PRKN: variants seen among roughly 807,000 people sequenced by gnomAD.
PRKN encodes the protein parkin RBR E3 ubiquitin protein ligase.
PRKN carries 56 observed loss-of-function variants against 59.5 expected under a neutral mutation model. The observed-to-expected ratio is 0.94, with a 90% CI of 0.76 to 1.18. PRKN has a LOEUF of 1.18. Ranked by LOEUF, PRKN falls within the 50% of genes most tolerant of loss-of-function variation. PRKN has a pLI of 0.00. For missense variants in PRKN, 657 were observed against 596.4 expected, an observed-to-expected ratio of 1.10 and a Z score of -1.06; for synonymous variants, 250 against 222.1, an observed-to-expected ratio of 1.13 and a Z score of -1.12.
intron 9 of PRKN, among the ~76,000 whole-genome samples, chr6:161,522,779 C>T (rs563770485): frequency 3.9e-5 from 6 of 152,340 alleles, no homozygotes; most frequent in African/African-American, 7.2e-5. Context: ...CTTTCCCTTC[C>T]GTAGTGAACG....
chr6:161,686,397 A>G (rs186850498), intron 7 of PRKN, among the ~76,000 whole-genome samples: 2 of 152,306 alleles, frequency 1.3e-5, no homozygotes, highest in Admixed American at 1.3e-4. Flanking sequence ...CTACTTATCT[A>G]CATAGATCAA....
At chr6:161,426,213 C>A (rs758642063) in intron 9 of PRKN, among the ~76,000 whole-genome samples, 2 of 152,098 alleles carry the variant, frequency 1.3e-5, no homozygotes, top group Non-Finnish European at 2.9e-5. Context: ...CCCAAAGGGG[C>A]GTGCTGAAGT....
intron 7 of PRKN, among the ~76,000 whole-genome samples, chr6:161,743,636 C>T (rs976671824): frequency 2.0e-5 from 3 of 151,998 alleles, no homozygotes; most frequent in South Asian, 2.1e-4. Flanking sequence ...CCCCCACTTG[C>T]GTAAGTCCCT....
chr6:162,722,192 A>G (rs1778964471), intron 1 of PRKN, among the ~76,000 whole-genome samples: 1 of 152,232 alleles, frequency 6.6e-6, no homozygotes, highest in South Asian at 2.1e-4. Flanking sequence ...TCTAATACAT[A>G]TGGTATAAAG....
At chr6:162,274,686 AATGGGTT>A (rs1780541623) in intron 2 of PRKN, among the ~76,000 whole-genome samples, 1 of 152,158 alleles carries the variant, frequency 6.6e-6, no homozygotes, top group Non-Finnish European at 1.5e-5. Context: ...TTTGAAGAAA[AATGGGTT>A]AATCCATTGT....
chr6:162,101,459 G>C (rs936437108), intron 4 of PRKN, among the ~76,000 whole-genome samples: 1 of 151,850 alleles, frequency 6.6e-6, no homozygotes. Flanking sequence ...ACGAGGTCAG[G>C]AGATCGAGAC....
At position 161,888,143 on chromosome 6, in the gene PRKN, T is replaced by C. The variant is rs370874273; in HGVS notation, c.734+85159A>G. On this transcript the variant is annotated intron_variant, in intron 6 of 11. Coordinates refer to ENST00000366898, the MANE Select transcript of PRKN (RefSeq NM_004562.3). ...TTAAATTTCAAGAAAAATTTGACCATTTGCCTAATTATCAGATGTGATTTG... is the reference window on the plus strand; with the variant it reads ...TTAAATTTCAAGAAAAATTTGACCACTTGCCTAATTATCAGATGTGATTTG... Among the ~76,000 whole-genome samples, 6 of 152,274 alleles carry C rather than the reference T, an allele frequency of 3.9e-5. No individual in the cohort carries two copies. The South Asian group carries it at 8.3e-4, about 21-fold the overall frequency.
intron 7 of PRKN, among the ~76,000 whole-genome samples, chr6:161,585,592 A>G (rs1284454326): frequency 7.9e-5 from 12 of 152,200 alleles, no homozygotes. Flanking sequence ...TAGCGTTCAA[A>G]TTGTAGCTCA....
chr6:161,399,617 T>G lies in PRKN; in HGVS notation c.1084-12740A>C, dbSNP rs969743042. ...CTGCAACCGGGGTGGGTCAGGGAAC[T>G]CTCCCGTTTCAGCAGTAAGAAGAGG... is the stretch of plus-strand genomic sequence containing the variant. On this transcript the variant is annotated intron_variant, in intron 9 of 11. Transcript: ENST00000366898. This position sits in a 1 kb window ranked among gnomAD's most constrained non-coding sequence, Gnocchi z 4.4. Among the ~76,000 whole-genome samples, 1 of 151,982 alleles carries G rather than the reference T, an allele frequency of 6.6e-6. No homozygotes were observed. The highest frequency in any genetic ancestry group is 1.5e-5 in the Non-Finnish European group (1 of 68,002).
chr6:161,788,311 C>G (rs1044207812), intron 6 of PRKN, among the ~76,000 whole-genome samples: 1 of 152,116 alleles, frequency 6.6e-6, no homozygotes, highest in Non-Finnish European at 1.5e-5. Context: ...TGAAATCAAC[C>G]CTGTGCAGTG....
At chr6:162,085,840 A>G (rs1466777547) in intron 4 of PRKN, among the ~76,000 whole-genome samples, 1 of 151,500 alleles carries the variant, frequency 6.6e-6, no homozygotes, top group Non-Finnish European at 1.5e-5. Flanking sequence ...CTGTTTTAAA[A>G]GTACTTTTGT....
rs1787706939 is a variant in PRKN at position 161,413,853 on chromosome 6, T to A, written c.1084-26976A>T. 6.6e-6 allele frequency among the ~76,000 whole-genome samples: 1 copy of A among 152,192 alleles called. No individual in the cohort carries two copies. The highest frequency in any genetic ancestry group is 2.1e-4 in the South Asian group (1 of 4,828). Reference sequence around the variant, plus strand: ...ACTTCCTGAGAGGACAGGGAGCATTTACAGCATGAAGTCAGGCAGGGTGAG... The same window carrying A: ...ACTTCCTGAGAGGACAGGGAGCATTAACAGCATGAAGTCAGGCAGGGTGAG... On this transcript the variant is annotated intron_variant, in intron 9 of 11. Coordinates refer to ENST00000366898, the MANE Select transcript of PRKN (RefSeq NM_004562.3). This position sits in a 1 kb window ranked among gnomAD's most constrained non-coding sequence, Gnocchi z 4.4.
rs1227212522 is a variant in PRKN, at chr6:161,447,295, C to T, written c.1084-60418G>A. On this transcript the variant is annotated intron_variant, in intron 9 of 11. Transcript: ENST00000366898. This position sits in a 1 kb window ranked among gnomAD's most constrained non-coding sequence, Gnocchi z 4.1. ...ATGCTCAATCTAGGGTTTCCCGCGGCTAAACCCTAAAATTCACTTCGAAAC... is the reference window on the plus strand; with the variant it reads ...ATGCTCAATCTAGGGTTTCCCGCGGTTAAACCCTAAAATTCACTTCGAAAC... Among the ~76,000 whole-genome samples, 4 of 152,190 alleles carry T rather than the reference C, an allele frequency of 2.6e-5. No homozygotes were observed. The highest frequency in any genetic ancestry group is 9.7e-5 in the African/African-American group (4 of 41,434).
chr6:162,563,529 C>T (rs1472040830), intron 1 of PRKN, among the ~76,000 whole-genome samples: 2 of 152,114 alleles, frequency 1.3e-5, no homozygotes, highest in Non-Finnish European at 2.9e-5. Flanking sequence ...ATCTAGAAAG[C>T]CTTTCTGAGA....
At chr6:161,701,797 T>C (rs1430072446) in intron 7 of PRKN, among the ~76,000 whole-genome samples, 1 of 152,214 alleles carries the variant, frequency 6.6e-6, no homozygotes, top group Non-Finnish European at 1.5e-5. Context: ...AGTCATTATG[T>C]TCATTCTACG....
chr6:162,010,587 TATATA>T lies in PRKN; in HGVS notation c.619-37175_619-37171del, dbSNP rs1562456162. Among the ~76,000 whole-genome samples the T allele has an allele frequency of 2.9e-4, 2 of 6,854 alleles. 1 individual carries two copies. The highest frequency in any genetic ancestry group is 3.8e-4 in the Non-Finnish European group (2 of 5,330). The allele number at this position is 6,854 out of a possible 152,430, so 4.5% of individuals were successfully genotyped here. ...ATATATTATATAATGTATTATATTA[TATATA>T]ATATAATATATATTATATAATATAT... On this transcript the variant is annotated intron_variant, in intron 5 of 11. Transcript: ENST00000366898.
At chr6:162,091,082 G>A (rs1779475803) in intron 4 of PRKN, among the ~76,000 whole-genome samples, 1 of 148,262 alleles carries the variant, frequency 6.7e-6, no homozygotes, top group African/African-American at 2.5e-5. Context: ...ATCCCATTTT[G>A]TTACAGATTT....
intron 4 of PRKN, among the ~76,000 whole-genome samples, chr6:162,131,822 T>C (rs1781372571): frequency 6.6e-6 from 1 of 152,242 alleles, no homozygotes; most frequent in African/African-American, 2.4e-5. Flanking sequence ...AAAATGTTTA[T>C]TCATCATCCA....
intron 1 of PRKN, among the ~76,000 whole-genome samples, chr6:162,599,608 G>C (rs1435200534): frequency 6.6e-6 from 1 of 152,092 alleles, no homozygotes; most frequent in African/African-American, 2.4e-5. Flanking sequence ...AGGCTGCGTG[G>C]GTTATTCAGT....
Sources: allele counts gnomAD v4.1 joint callset (sites outside exome capture counted in the v4.1 genomes callset), GRCh38; gene constraint gnomAD v4.1.1; non-coding constraint Gnocchi (gnomAD v3.1); transcripts MANE v1.5; gene names NCBI Gene and HGNC (gene_info 2026-07-23, HGNC 2026-07-21).